The following CXCL12 variants were observed in gnomAD, a reference collection of about 807,000 sequenced individuals.
The protein encoded by CXCL12 is stromal cell-derived factor 1.
In CXCL12, 4 loss-of-function variants were observed where a neutral mutation model predicts 10.7. The ratio of observed to expected loss-of-function variants is 0.37; its 90% CI spans 0.18 to 0.86. The LOEUF (loss-of-function observed/expected upper bound fraction) is 0.86, where lower values mean the gene tolerates loss of function less well. Among genes scored for constraint, CXCL12 ranks in the 40% least tolerant of loss-of-function variants. CXCL12 has a pLI of 0.43. For missense variants in CXCL12, 122 were observed against 110.4 expected, an observed-to-expected ratio of 1.10 and a Z score of -0.47; for synonymous variants, 54 against 45.4, an observed-to-expected ratio of 1.19 and a Z score of -0.77.
intron 2 of CXCL12, 24 bp downstream of exon 2, chr10:44,380,739 A>G (rs777343946): frequency 1.3e-6 from 2 of 1,561,346 alleles, no homozygotes; most frequent in Non-Finnish European, 8.8e-7. Flanking sequence ...TGTTCGTTAG[A>G]TGATGTTCAA....
chr10:44,371,919 C>T (rs140067432), downstream of CXCL12: 1 of 152,354 alleles, frequency 6.6e-6, no homozygotes, highest in African/African-American at 2.4e-5. Context: ...TATCGACTGC[C>T]CTCAGTGGAA....
intron 1 of CXCL12, among the ~76,000 whole-genome samples, chr10:44,382,196 G>T (rs1242120971): frequency 2.0e-5 from 3 of 152,144 alleles, no homozygotes; most frequent in Non-Finnish European, 2.9e-5. Context: ...GCACTGGAGA[G>T]ACCTAAGGCA....
Position 44,377,646 on chromosome 10 carries a change from T to G in CXCL12, c.*987A>C. The G allele has an allele frequency of 1.3e-6, 2 of 1,548,492 alleles. No individual in the cohort carries two copies. Among genetic ancestry groups the G allele is most frequent in the Non-Finnish European group, 8.7e-7 (1 of 1,154,598 alleles). On this transcript the variant is annotated 3_prime_UTR_variant, in exon 3 of 3. Transcript: ENST00000343575. ...AGTGCCTCCATGGCATACATAGGCT[T>G]CAGAGGCAATCACAAAACCCAGTCA...
chr10:44,373,471 A>G, downstream of CXCL12: 1 of 801,822 alleles, frequency 1.2e-6, no homozygotes, highest in Non-Finnish European at 2.2e-6. Flanking sequence ...CACCTTGGCC[A>G]TGCATCTCCC....
chr10:44,373,834 C>T (rs971877107), downstream of CXCL12, among the ~76,000 whole-genome samples: 19 of 152,164 alleles, frequency 1.2e-4, no homozygotes, highest in African/African-American at 3.9e-4. Context: ...GGAGGTGGCA[C>T]AGGGGTGGGT....
chr10:44,372,201 G>C (rs1839331241), downstream of CXCL12: 1 of 152,278 alleles, frequency 6.6e-6, no homozygotes, highest in African/African-American at 2.4e-5. Context: ...TTTTCCTCAA[G>C]CAGTGCTGGG....
At chr10:44,374,185 A>T, downstream of CXCL12, 1 of 338,220 alleles carries the variant, frequency 3.0e-6, no homozygotes, top group Non-Finnish European at 5.9e-6. Flanking sequence ...GATAGCAAGC[A>T]GTTTGTATCC....
At chr10:44,376,995 G>T, downstream of CXCL12, 2 of 552,836 alleles carry the variant, frequency 3.6e-6, no homozygotes, top group Non-Finnish European at 4.6e-6. Flanking sequence ...GTCACACATG[G>T]GCTGTGAGAA....
At chr10:44,372,585 T>G, downstream of CXCL12, 1 of 1,186,718 alleles carries the variant, frequency 8.4e-7, no homozygotes, top group Non-Finnish European at 1.1e-6. Context: ...TTTCATTTCC[T>G]GCTTGGTGCA....
intron 1 of CXCL12, 27 bp from the exon 2 acceptor site, chr10:44,380,907 C>A: frequency 6.3e-7 from 1 of 1,587,302 alleles, no homozygotes; most frequent in Non-Finnish European, 8.7e-7. Flanking sequence ...CAACAAGGCA[C>A]TTTACTACCC....
In CXCL12 at chr10:44,378,158, A is replaced by G; in HGVS notation, c.*475T>C. ...GCTGCGGGAGCCTCAGTGTCTGAAG[A>G]AAGGACACTTTTTCCAGCTCCCTGT... On this transcript the variant is annotated 3_prime_UTR_variant, in exon 3 of 3. Coordinates refer to ENST00000343575, the MANE Select transcript of CXCL12 (RefSeq NM_199168.4). 1 of 1,428,842 alleles carries G rather than the reference A, an allele frequency of 7.0e-7. No individual in the cohort carries two copies. Among genetic ancestry groups the G allele is most frequent in the Non-Finnish European group, 9.2e-7 (1 of 1,091,814 alleles). The allele number at this position is 1,428,842 out of a possible 1,614,324, so 88.5% of individuals were successfully genotyped here. A position where few individuals can be genotyped will look rare whatever the true frequency, so the allele number is the denominator to read the frequency against.
At chr10:44,374,237 C>G, downstream of CXCL12, 1 of 351,120 alleles carries the variant, frequency 2.8e-6, no homozygotes, top group Non-Finnish European at 5.7e-6. Flanking sequence ...AGGGGGCCAA[C>G]AGCTTTTCAT....
At chr10:44,383,348 C>A (rs1429881470) in intron 1 of CXCL12, among the ~76,000 whole-genome samples, 1 of 152,188 alleles carries the variant, frequency 6.6e-6, no homozygotes, top group Non-Finnish European at 1.5e-5. Context: ...TCACCCTTCC[C>A]AGGCCAGGAG....
chr10:44,375,162 G>T (rs374991481), downstream of CXCL12, among the ~76,000 whole-genome samples: 109 of 152,320 alleles, frequency 7.2e-4, 1 homozygote, highest in Middle Eastern at 3.4e-3. Context: ...CCACGTGGGG[G>T]ACCCGTTTAA....
downstream of CXCL12, chr10:44,372,816 C>T: frequency 1.3e-6 from 2 of 1,483,478 alleles, no homozygotes; most frequent in Non-Finnish European, 8.9e-7. Context: ...ACCCGGCTCC[C>T]ATGTGGATGG....
chr10:44,385,046 G>T lies in CXCL12; in HGVS notation c.-41C>A, dbSNP rs74393923. 7.2e-6 allele frequency: 10 copies of T among 1,390,868 alleles called. No individual in the cohort carries two copies. The highest frequency in any genetic ancestry group is 1.4e-5 in the South Asian group (1 of 73,256). The allele number at this position is 1,390,868 out of a possible 1,614,324, so 86.2% of individuals were successfully genotyped here. On this transcript the variant is annotated 5_prime_UTR_variant, in exon 1 of 3. Transcript: ENST00000343575. The stretch of plus-strand genomic sequence containing the variant: ...GCGGGCGGGCGGACGAGCGCGGGTC[G>T]GGGGCCGGACGCCGAGCGGGCAATG...
downstream of CXCL12, chr10:44,371,091 G>A (rs1046532965): frequency 2.8e-5 from 6 of 213,494 alleles, no homozygotes; most frequent in East Asian, 6.8e-4. Context: ...AAAGAGATTC[G>A]GATTACAAGA....
intron 2 of CXCL12, among the ~76,000 whole-genome samples, chr10:44,379,105 C>G (rs1188241008): frequency 6.6e-6 from 1 of 152,116 alleles, no homozygotes; most frequent in Non-Finnish European, 1.5e-5. Context: ...AAGGGGACGA[C>G]AGGATGCTCT....
intron 1 of CXCL12, among the ~76,000 whole-genome samples, chr10:44,383,876 G>C (rs1055623264): frequency 3.8e-4 from 58 of 152,284 alleles, no homozygotes; most frequent in African/African-American, 1.4e-3. Context: ...GCGGCTGCAA[G>C]AGCACTCAGA....
Sources: gnomAD v4.1 joint callset for allele counts (sites outside exome capture counted in the v4.1 genomes callset) on GRCh38, gnomAD v4.1.1 for gene constraint, MANE v1.5 for transcripts, NCBI Gene and HGNC (gene_info 2026-07-23, HGNC 2026-07-21) for gene names.